ITPR1: variants seen among roughly 807,000 people sequenced by gnomAD.
The protein encoded by ITPR1 is inositol 1,4,5-trisphosphate receptor type 1.
Under a neutral mutation model 318.4 loss-of-function variants are expected in ITPR1, and 96 were observed. The ratio of observed to expected loss-of-function variants is 0.30; its 90% CI spans 0.26 to 0.36. The LOEUF is 0.36. Among genes scored for constraint, ITPR1 ranks in the 10% least tolerant of loss-of-function variants. The pLI, the probability that ITPR1 is intolerant of heterozygous loss-of-function variation, is 1.00. For missense variants in ITPR1, 2,440 were observed against 3,460.2 expected, an observed-to-expected ratio of 0.71 and a Z score of 7.40; for synonymous variants, 1,312 against 1,289.9, an observed-to-expected ratio of 1.02 and a Z score of -0.37.
At chr3:4,553,910 T>C (rs113784264) in intron 4 of ITPR1, among the ~76,000 whole-genome samples, 7,716 of 152,248 alleles carry the variant, frequency 0.051, 281 homozygotes, top group Non-Finnish European at 0.074. Context: ...CTGGCTAACA[T>C]TTTTTAGTTG....
chr3:4,600,224 C>T (rs545189354), intron 4 of ITPR1, among the ~76,000 whole-genome samples: 1 of 152,318 alleles, frequency 6.6e-6, no homozygotes, highest in East Asian at 1.9e-4. Context: ...ACAGTTTCCA[C>T]TCAAGGCAGA....
chr3:4,793,606 C>G (rs2047709434), intron 52 of ITPR1, among the ~76,000 whole-genome samples: 2 of 152,314 alleles, frequency 1.3e-5, no homozygotes, highest in South Asian at 4.1e-4. Context: ...AATCAACTTA[C>G]CAAAGAAAGT....
At chr3:4,833,510 G>T (rs984190930) in intron 60 of ITPR1, among the ~76,000 whole-genome samples, 1 of 152,248 alleles carries the variant, frequency 6.6e-6, no homozygotes, top group African/African-American at 2.4e-5. Flanking sequence ...TCATTTGCAT[G>T]TCAGTAATAA....
At chr3:4,649,933 C>T (rs897375875) in intron 10 of ITPR1, among the ~76,000 whole-genome samples, 8 of 152,164 alleles carry the variant, frequency 5.3e-5, no homozygotes, top group Non-Finnish European at 8.8e-5. Context: ...ATAACGTAAA[C>T]GATCTCCTAA....
At chr3:4,664,876 C>G (rs534393830) in intron 16 of ITPR1, among the ~76,000 whole-genome samples, 19 of 152,310 alleles carry the variant, frequency 1.2e-4, no homozygotes, top group Admixed American at 1.0e-3. Flanking sequence ...TCTGCTGATT[C>G]CATTGTCTGT....
intron 4 of ITPR1, among the ~76,000 whole-genome samples, chr3:4,533,795 C>T (rs1385981266): frequency 2.0e-5 from 3 of 152,204 alleles, no homozygotes; most frequent in East Asian, 1.9e-4. Flanking sequence ...TTTCTCTCCT[C>T]GCACGAGCCT....
At chr3:4,569,454 G>A (rs547083690) in intron 4 of ITPR1, among the ~76,000 whole-genome samples, 111 of 152,248 alleles carry the variant, frequency 7.3e-4, no homozygotes, top group African/African-American at 2.5e-3. Flanking sequence ...GTTTTCAATG[G>A]AAAAATGAAT....
chr3:4,702,135 A>T (rs2094668453), intron 35 of ITPR1, among the ~76,000 whole-genome samples: 1 of 152,100 alleles, frequency 6.6e-6, no homozygotes, highest in Non-Finnish European at 1.5e-5. Context: ...TCAGAAAGTC[A>T]GTGTCAAATT....
At chr3:4,802,226 C>G (rs2048278919) in intron 54 of ITPR1, among the ~76,000 whole-genome samples, 3 of 152,168 alleles carry the variant, frequency 2.0e-5, no homozygotes, top group African/African-American at 7.2e-5. Flanking sequence ...TTCTGTTTCC[C>G]AAACTTATTT....
intron 40 of ITPR1, among the ~76,000 whole-genome samples, chr3:4,723,188 C>T (rs1370171699): frequency 6.6e-6 from 1 of 152,144 alleles, no homozygotes; most frequent in African/African-American, 2.4e-5. Context: ...TTTGCTTTGT[C>T]CTCCTTGAGT....
chr3:4,614,038 G>T (rs1259212425), intron 4 of ITPR1, among the ~76,000 whole-genome samples: 3 of 152,164 alleles, frequency 2.0e-5, no homozygotes, highest in Non-Finnish European at 4.4e-5. Context: ...TGAACTTCAT[G>T]TAAGTGGATT....
chr3:4,645,891 GTA>G, intron 10 of ITPR1, 163 bp downstream of exon 10: 10 of 676,502 alleles, frequency 1.5e-5, no homozygotes, highest in Non-Finnish European at 2.0e-5. Context: ...ACATGTGTGT[GTA>G]TATATATAAG....
At chr3:4,841,395 C>G (rs2051332526) in intron 61 of ITPR1, among the ~76,000 whole-genome samples, 1 of 152,202 alleles carries the variant, frequency 6.6e-6, no homozygotes, top group South Asian at 2.1e-4. Flanking sequence ...AAGGAATCAG[C>G]ATGAGCAACG....
chr3:4,741,516 C>T (rs1361758898), intron 44 of ITPR1, among the ~76,000 whole-genome samples: 1 of 151,182 alleles, frequency 6.6e-6, no homozygotes, highest in Non-Finnish European at 1.5e-5. Flanking sequence ...AGAGTGATCC[C>T]TGGTTCATGA....
At chr3:4,557,898 A>G (rs1311268564) in intron 4 of ITPR1, among the ~76,000 whole-genome samples, 1 of 152,182 alleles carries the variant, frequency 6.6e-6, no homozygotes, top group East Asian at 1.9e-4. Context: ...ATTCACTGGT[A>G]TTCATAAATT....
At chr3:4,634,402 G>C (rs1435818986) in intron 5 of ITPR1, among the ~76,000 whole-genome samples, 1 of 151,664 alleles carries the variant, frequency 6.6e-6, no homozygotes, top group Non-Finnish European at 1.5e-5. Context: ...TGAAGAGTTG[G>C]GGTTTTGCCA....
intron 37 of ITPR1, among the ~76,000 whole-genome samples, chr3:4,709,815 C>T (rs1294139828): frequency 1.3e-5 from 2 of 152,118 alleles, no homozygotes; most frequent in African/African-American, 2.4e-5. Context: ...ATAATTCATG[C>T]TCATTGAAAA....
In ITPR1 at chr3:4,779,642, A is replaced by G. The variant is rs752036783; in HGVS notation, c.6384A>G (p.Glu2128=). ...ERILYNMRPK[E]LVEVIKKAYM... ...TACTTTATAACATGAGGCCCAAGGAACTGGTGAGTCGGGTGACGGATCTGA... is the reference window on the plus strand; with the variant it reads ...TACTTTATAACATGAGGCCCAAGGAGCTGGTGAGTCGGGTGACGGATCTGA... Residue 2128 remains glutamate, a synonymous_variant, in exon 49 of 62, where the codon GAA becomes GAG. Coordinates refer to ENST00000649015, the MANE Select transcript of ITPR1 (RefSeq NM_001378452.1). The surrounding 1 kb of genome is among the most constrained non-coding windows in gnomAD (Gnocchi z 4.0). 1.2e-6 allele frequency: 2 copies of G among 1,606,374 alleles called. No individual in the cohort carries two copies. The highest frequency in any genetic ancestry group is 1.7e-5 in the Admixed American group (1 of 59,908).
chr3:4,699,950 TAACC>T lies in ITPR1; in HGVS notation c.4536+13_4536+16del. The T allele has an allele frequency of 6.2e-7, 1 of 1,611,204 alleles. No individual in the cohort carries two copies. The highest frequency in any genetic ancestry group is 8.5e-7 in the Non-Finnish European group (1 of 1,177,682). The stretch of plus-strand genomic sequence containing the variant: ...AGAGTACGACTTTGCAGGTAAGAAA[TAACC>T]AACGTCAAGCAGAATGTTCACGATA... On this transcript the variant is annotated intron_variant, in intron 35 of 61. Transcript: ENST00000649015.
Sources: gnomAD v4.1 joint callset for allele counts (sites outside exome capture counted in the v4.1 genomes callset) on GRCh38, gnomAD v4.1.1 for gene constraint, Gnocchi (gnomAD v3.1) non-coding constraint, MANE v1.5 for transcripts, NCBI Gene and HGNC (gene_info 2026-07-23, HGNC 2026-07-21) for gene names.